LRRC56: variants seen among roughly 807,000 people sequenced by gnomAD.
LRRC56 encodes leucine rich repeat containing 56, also known as leucine-rich repeat-containing protein 56.
A neutral mutation model predicts 47.8 loss-of-function variants in LRRC56; 41 were observed. The ratio of observed to expected loss-of-function variants is 0.86; its 90% CI spans 0.67 to 1.11. LRRC56 has a LOEUF of 1.11. LRRC56 is among the 50% of genes most tolerant of loss of function. The pLI, the probability that LRRC56 is intolerant of heterozygous loss-of-function variation, is 0.00. For missense variants in LRRC56, 759 were observed against 704.2 expected, an observed-to-expected ratio of 1.08 and a Z score of -0.88; for synonymous variants, 387 against 311.2, an observed-to-expected ratio of 1.24 and a Z score of -2.56.
chr11:549,817 C>A, intron 6 of LRRC56, 85 bp from the exon 7 acceptor site: 2 of 1,205,176 alleles, frequency 1.7e-6, no homozygotes, highest in Non-Finnish European at 2.4e-6. Flanking sequence ...TCACACCTGC[C>A]CCTACCCCTG....
At chr11:525,224 T>C in the LRRC56 span, among the ~76,000 whole-genome samples, 8 of 149,590 alleles carry the variant, frequency 5.3e-5, no homozygotes, top group African/African-American at 2.0e-4. Context: ...GCCAACATGG[T>C]GAAACCCTGT....
At chr11:525,094 C>CA in the LRRC56 span, among the ~76,000 whole-genome samples, 32,287 of 125,076 alleles carry the variant, frequency 0.26, 4,494 homozygotes, top group African/African-American at 0.43. Context: ...GACTCCGTCT[C>CA]AAAAAAAAAA....
At chr11:530,867 C>G in the LRRC56 span, among the ~76,000 whole-genome samples, 4 of 43,330 alleles carry the variant, frequency 9.2e-5, no homozygotes, top group Admixed American at 2.2e-4. Context: ...AGAGAAGGGC[C>G]AGTGTGGCGT....
chr11:533,128 C>G (rs1039298901), upstream of LRRC56: 1 of 729,032 alleles, frequency 1.4e-6, no homozygotes, highest in African/African-American at 1.8e-5. Flanking sequence ...AGGGGCCGGG[C>G]CCCAGGGTCA....
the LRRC56 span, among the ~76,000 whole-genome samples, chr11:530,311 C>T: frequency 1.3e-5 from 2 of 152,226 alleles, no homozygotes; most frequent in African/African-American, 4.8e-5. Flanking sequence ...GTGACCAGCA[C>T]GGTGTGGAAG....
the LRRC56 span, among the ~76,000 whole-genome samples, chr11:520,545 C>T: frequency 5.9e-5 from 9 of 152,118 alleles, no homozygotes; most frequent in Non-Finnish European, 1.3e-4. Context: ...TCTCAAACTC[C>T]TGGCCTCAAA....
chr11:534,242 A>G (rs12628), upstream of LRRC56: 534,272 of 1,612,572 alleles, frequency 0.33, 90,079 homozygotes, highest in African/African-American at 0.38. Context: ...CGTCCACAAA[A>G]TGGTTCTGGA....
the LRRC56 span, among the ~76,000 whole-genome samples, chr11:530,018 A>C: frequency 6.6e-6 from 1 of 152,132 alleles, no homozygotes; most frequent in African/African-American, 2.4e-5. Context: ...GCCTGTCCCC[A>C]GATCAGGACA....
At chr11:531,569 T>C in the LRRC56 span, among the ~76,000 whole-genome samples, 1 of 152,034 alleles carries the variant, frequency 6.6e-6, no homozygotes, top group Non-Finnish European at 1.5e-5. Flanking sequence ...CAACCAGCCA[T>C]GAGGCAGGCG....
intron 13 of LRRC56, 35 bp downstream of exon 13, chr11:552,737 G>A (rs1852479624): frequency 1.3e-5 from 21 of 1,566,558 alleles, no homozygotes; most frequent in Non-Finnish European, 1.8e-5. Flanking sequence ...CCAGTGCCTG[G>A]GAGTGACCAA....
chr11:553,667 C>T (rs755891250), intron 13 of LRRC56, among the ~76,000 whole-genome samples: 3 of 152,106 alleles, frequency 2.0e-5, no homozygotes, highest in Non-Finnish European at 4.4e-5. Context: ...CACAGATGAC[C>T]GAGGGTCAGA....
chr11:522,642 G>A, the LRRC56 span, among the ~76,000 whole-genome samples: 4 of 152,012 alleles, frequency 2.6e-5, no homozygotes, highest in East Asian at 3.9e-4. Context: ...CAAGCAATCC[G>A]CCCACCTTGG....
Position 552,801 on chromosome 11 carries a change from C to T in LRRC56, c.1315+99C>T, listed in dbSNP as rs1390179691. ...CCCAGATCAGATGTGTCAACCTGGC[C>T]CTGCTTCCTCAGCCATGCTCTGAGA... is the stretch of plus-strand genomic sequence containing the variant. On this transcript the variant is annotated intron_variant, in intron 13 of 13. Coordinates refer to ENST00000270115, the MANE Select transcript of LRRC56 (RefSeq NM_198075.4). 9 of 1,024,242 alleles carry T rather than the reference C, an allele frequency of 8.8e-6. No homozygotes were observed. The African/African-American group carries it at 1.1e-4, about 13-fold the overall frequency. 63.4% of individuals were successfully genotyped at this position (1,024,242 alleles called of 1,614,324 possible). A position where few individuals can be genotyped will look rare whatever the true frequency, so the allele number is the denominator to read the frequency against.
Position 544,714 on chromosome 11 carries a change from A to G in LRRC56, c.266-6A>G, listed in dbSNP as rs1462658656. 6.2e-7 allele frequency: 1 copy of G among 1,612,622 alleles called. No homozygotes were observed. Among genetic ancestry groups the G allele is most frequent in the South Asian group, 1.1e-5 (1 of 91,084 alleles). ...GGGCCAACCTCCTCCTCCTGTGGCC[A>G]TACAGGGGTGCACCTGCCCAACCTG... is the stretch of plus-strand genomic sequence containing the variant. On this transcript the variant is annotated splice_region_variant and splice_polypyrimidine_tract_variant and intron_variant, in intron 5 of 13. Coordinates refer to ENST00000270115, the MANE Select transcript of LRRC56 (RefSeq NM_198075.4).
chr11:529,182 G>T, the LRRC56 span: 2 of 152,318 alleles, frequency 1.3e-5, no homozygotes, highest in Non-Finnish European at 2.9e-5. Context: ...GAGGGGAGGA[G>T]ACGGACCCGA....
chr11:533,730 C>G (rs1331302548), upstream of LRRC56: 2 of 1,611,604 alleles, frequency 1.2e-6, no homozygotes, highest in Admixed American at 3.3e-5. Context: ...CCCACCTGTG[C>G]GGCGTGGGCT....
At chr11:549,140 C>T (rs889095157) in intron 6 of LRRC56, among the ~76,000 whole-genome samples, 1 of 152,140 alleles carries the variant, frequency 6.6e-6, no homozygotes, top group African/African-American at 2.4e-5. Context: ...TGAGTCACAG[C>T]CTACGGGTGC....
chr11:524,230 A>T, the LRRC56 span, among the ~76,000 whole-genome samples: 2 of 152,224 alleles, frequency 1.3e-5, no homozygotes, highest in African/African-American at 4.8e-5. Flanking sequence ...TTGGTGTTGG[A>T]GAAGGGGCAG....
intron 5 of LRRC56, among the ~76,000 whole-genome samples, chr11:544,077 TTCTG>T (rs1271200930): frequency 6.6e-6 from 1 of 152,230 alleles, no homozygotes. Context: ...AATGCAGGGA[TTCTG>T]TCTGCCTCAC....
Sources: gnomAD v4.1 joint callset for allele counts (sites outside exome capture counted in the v4.1 genomes callset) on GRCh38, gnomAD v4.1.1 for gene constraint, MANE v1.5 for transcripts, NCBI Gene and HGNC (gene_info 2026-07-23, HGNC 2026-07-21) for gene names.